The following LINGO2 variants were observed in gnomAD, a reference collection of about 807,000 sequenced individuals.
The protein encoded by LINGO2 is leucine rich repeat and Ig domain containing 2.
In LINGO2, 14 loss-of-function variants were observed where a neutral mutation model predicts 30.6. The ratio of observed to expected loss-of-function variants is 0.46; its 90% CI spans 0.30 to 0.72. The LOEUF is 0.72. Among genes scored for constraint, LINGO2 ranks in the 30% least tolerant of loss-of-function variants. LINGO2 has a pLI of 0.07. For synonymous variants in LINGO2, 317 were observed against 288.5 expected (o/e 1.10, Z -1.00); for missense variants, 729 against 751.7 (o/e 0.97, Z 0.35).
At chr9:28,444,702 G>C (rs1298013967) in intron 2 of LINGO2, among the ~76,000 whole-genome samples, 1 of 152,192 alleles carries the variant, frequency 6.6e-6, no homozygotes, top group Non-Finnish European at 1.5e-5. Context: ...TGGTATGTCT[G>C]GTCCAACTGG....
chr9:28,367,740 T>C (rs1282557847), intron 3 of LINGO2, among the ~76,000 whole-genome samples: 2 of 152,132 alleles, frequency 1.3e-5, no homozygotes, highest in Non-Finnish European at 2.9e-5. Context: ...GTTGTTATTA[T>C]AGCATCACTG....
the LINGO2 span, among the ~76,000 whole-genome samples, chr9:28,919,550 T>C: frequency 6.6e-6 from 1 of 152,140 alleles, no homozygotes; most frequent in Admixed American, 6.6e-5. Context: ...GCCAGACTCA[T>C]GTATCTTTTG....
chr9:29,087,289 T>A, the LINGO2 span, among the ~76,000 whole-genome samples: 5 of 152,246 alleles, frequency 3.3e-5, no homozygotes, highest in Non-Finnish European at 5.9e-5. Context: ...ATGGCAGTGA[T>A]GATGCTTATC....
chr9:28,747,175 A>G, the LINGO2 span, among the ~76,000 whole-genome samples: 1 of 151,988 alleles, frequency 6.6e-6, no homozygotes, highest in Non-Finnish European at 1.5e-5. Context: ...GGAGGAGATG[A>G]AGAGAGAGCA....
chr9:28,065,360 G>C (rs1412978237), intron 4 of LINGO2, among the ~76,000 whole-genome samples: 1 of 151,956 alleles, frequency 6.6e-6, no homozygotes, highest in African/African-American at 2.4e-5. Flanking sequence ...CAAAATACTT[G>C]TTAAATAAAT....
At chr9:28,513,565 C>A (rs891024905) in intron 1 of LINGO2, among the ~76,000 whole-genome samples, 1 of 152,058 alleles carries the variant, frequency 6.6e-6, no homozygotes, top group East Asian at 1.9e-4. Context: ...CACTTGAATT[C>A]TACAATGAGA....
intron 3 of LINGO2, among the ~76,000 whole-genome samples, chr9:28,301,378 A>C (rs1263405797): frequency 6.6e-6 from 1 of 151,058 alleles, no homozygotes; most frequent in African/African-American, 2.4e-5. Flanking sequence ...AAAAAAAAAC[A>C]AAAAAAACAG....
chr9:28,985,550 A>C, the LINGO2 span, among the ~76,000 whole-genome samples: 1 of 152,104 alleles, frequency 6.6e-6, no homozygotes, highest in East Asian at 1.9e-4. Context: ...TTTTGATAAC[A>C]GCCATTCCCA....
intron 1 of LINGO2, among the ~76,000 whole-genome samples, chr9:28,614,251 T>C (rs1826042112): frequency 6.6e-6 from 1 of 152,144 alleles, no homozygotes; most frequent in Non-Finnish European, 1.5e-5. Context: ...TCATTTTTTA[T>C]TATAGAATAC....
At chr9:28,480,991 A>G (rs1825941206) in intron 1 of LINGO2, among the ~76,000 whole-genome samples, 1 of 152,074 alleles carries the variant, frequency 6.6e-6, no homozygotes, top group East Asian at 1.9e-4. Flanking sequence ...TCCCAATTTC[A>G]CCAGATTAAA....
chr9:28,686,476 A>C, the LINGO2 span, among the ~76,000 whole-genome samples: 1 of 152,036 alleles, frequency 6.6e-6, no homozygotes, highest in African/African-American at 2.4e-5. Flanking sequence ...GTTTGACTGA[A>C]GCACCAGGTG....
At chr9:28,451,130 T>G (rs935973495) in intron 2 of LINGO2, among the ~76,000 whole-genome samples, 1 of 151,892 alleles carries the variant, frequency 6.6e-6, no homozygotes, top group African/African-American at 2.4e-5. Context: ...AACTAACCAA[T>G]AGGATCAATT....
intron 4 of LINGO2, among the ~76,000 whole-genome samples, chr9:28,101,231 T>C (rs1050591918): frequency 1.3e-5 from 2 of 152,120 alleles, no homozygotes; most frequent in Non-Finnish European, 2.9e-5. Context: ...TCTTTATAGT[T>C]AGACCTTGAC....
At chr9:29,190,964 T>A in the LINGO2 span, among the ~76,000 whole-genome samples, 5 of 152,102 alleles carry the variant, frequency 3.3e-5, no homozygotes, top group African/African-American at 9.7e-5. Flanking sequence ...TTTCATAAGG[T>A]CTCTAAAACA....
At chr9:28,231,049 A>G (rs7865194) in intron 4 of LINGO2, among the ~76,000 whole-genome samples, 33,816 of 151,730 alleles carry the variant, frequency 0.22, 3,970 homozygotes, top group African/African-American at 0.29. Context: ...AAGACAATGA[A>G]TATACTAATA....
chr9:29,194,710 T>G, the LINGO2 span, among the ~76,000 whole-genome samples: 1 of 152,190 alleles, frequency 6.6e-6, no homozygotes, highest in African/African-American at 2.4e-5. Flanking sequence ...TAGATTTGGA[T>G]GTACATTTAC....
intron 1 of LINGO2, among the ~76,000 whole-genome samples, chr9:28,567,242 G>C (rs1201945082): frequency 6.6e-6 from 1 of 151,986 alleles, no homozygotes; most frequent in Non-Finnish European, 1.5e-5. Context: ...ATTTCTCAAA[G>C]AATTAAAAAT....
At chr9:28,479,320 T>C (rs1379791121) in intron 1 of LINGO2, among the ~76,000 whole-genome samples, 1 of 151,984 alleles carries the variant, frequency 6.6e-6, no homozygotes, top group African/African-American at 2.4e-5. Context: ...ATATCTCTGC[T>C]AGAAGATATT....
the LINGO2 span, among the ~76,000 whole-genome samples, chr9:28,957,603 T>G: frequency 2.0e-5 from 3 of 152,190 alleles, no homozygotes; most frequent in African/African-American, 7.2e-5. Context: ...TCTCAATGTC[T>G]CCAATCTGTG....
Sources: allele counts gnomAD v4.1 joint callset (sites outside exome capture counted in the v4.1 genomes callset), GRCh38; gene constraint gnomAD v4.1.1; transcripts MANE v1.5; gene names NCBI Gene and HGNC (gene_info 2026-07-23, HGNC 2026-07-21).